The following TAF1B variants were observed in gnomAD, a reference collection of about 807,000 sequenced individuals.
The protein encoded by TAF1B is TATA box-binding protein-associated factor RNA polymerase I subunit B.
In TAF1B, 61 loss-of-function variants were observed where a neutral mutation model predicts 83.9. The ratio of observed to expected loss-of-function variants is 0.73; its 90% CI spans 0.59 to 0.90. The LOEUF is 0.90. Among genes scored for constraint, TAF1B ranks in the 40% least tolerant of loss-of-function variants. The pLI is 0.00. For synonymous variants in TAF1B, 221 were observed against 224.6 expected, an observed-to-expected ratio of 0.98 and a Z score of 0.14; for missense variants, 625 against 677.0, an observed-to-expected ratio of 0.92 and a Z score of 0.85.
Position 9,854,422 on chromosome 2 carries a change from G to A in TAF1B, c.399+1G>A. On this transcript the variant is annotated splice_donor_variant, in intron 5 of 14. Coordinates refer to ENST00000263663, the MANE Select transcript of TAF1B (RefSeq NM_005680.3). LOFTEE classifies it high-confidence loss of function. The stretch of plus-strand genomic sequence containing the variant: ...TTATACCACTGGAAGGAAACCTACG[G>A]TAAGTCACAAGTCTGAAAAGTTGGA... The A allele has an allele frequency of 1.2e-6, 2 of 1,610,782 alleles. No homozygotes were observed. The highest frequency in any genetic ancestry group is 1.7e-6 in the Non-Finnish European group (2 of 1,177,098).
chr2:9,922,283 A>G (rs1477451623), intron 14 of TAF1B, among the ~76,000 whole-genome samples: 1 of 152,120 alleles, frequency 6.6e-6, no homozygotes, highest in Non-Finnish European at 1.5e-5. Context: ...GAAGACCCAA[A>G]AAACATTGTG....
chr2:9,906,648 A>G (rs765743405), intron 9 of TAF1B, among the ~76,000 whole-genome samples: 3 of 152,232 alleles, frequency 2.0e-5, no homozygotes, highest in Non-Finnish European at 4.4e-5. Context: ...TGTTTATGTT[A>G]TAATAAAAAG....
chr2:9,873,095 C>T (rs376686956), intron 6 of TAF1B, among the ~76,000 whole-genome samples: 49 of 152,288 alleles, frequency 3.2e-4, no homozygotes, highest in Middle Eastern at 3.4e-3. Context: ...GCTTTCAAAT[C>T]ATTTCACTGG....
intron 5 of TAF1B, among the ~76,000 whole-genome samples, chr2:9,856,940 G>A (rs1239417715): frequency 2.6e-5 from 4 of 152,156 alleles, no homozygotes; most frequent in Non-Finnish European, 5.9e-5. Flanking sequence ...TTTCCTTAGT[G>A]CTTTGGAGAT....
intron 2 of TAF1B, among the ~76,000 whole-genome samples, chr2:9,848,860 C>G (rs2125134004): frequency 6.6e-6 from 1 of 152,158 alleles, no homozygotes; most frequent in Middle Eastern, 3.4e-3. Flanking sequence ...TTTAGTCATT[C>G]TAAAGTTCTC....
chr2:9,879,671 CAG>C (rs1169490114), intron 7 of TAF1B, among the ~76,000 whole-genome samples: 2 of 152,080 alleles, frequency 1.3e-5, no homozygotes, highest in Admixed American at 1.3e-4. Context: ...TGACTGGAGT[CAG>C]AGAATTCTAG....
intron 14 of TAF1B, among the ~76,000 whole-genome samples, chr2:9,926,049 C>T (rs1359321578): frequency 6.6e-6 from 1 of 151,332 alleles, no homozygotes. Context: ...GTATAAAGAA[C>T]CCCCCGTCTC....
intron 12 of TAF1B, among the ~76,000 whole-genome samples, chr2:9,916,227 T>A (rs570302496): frequency 5.3e-4 from 81 of 152,322 alleles, no homozygotes; most frequent in African/African-American, 1.9e-3. Context: ...CCTTAATTTT[T>A]AAAAATGAGG....
chr2:9,869,632 A>G lies in TAF1B; in HGVS notation c.553+1203A>G, dbSNP rs1013740008. 1.2e-4 allele frequency among the ~76,000 whole-genome samples: 18 copies of G among 151,464 alleles called. No individual in the cohort carries two copies. The East Asian group carries it at 2.4e-3, about 20-fold the overall frequency. On this transcript the variant is annotated intron_variant, in intron 6 of 14. Coordinates refer to ENST00000263663, the MANE Select transcript of TAF1B (RefSeq NM_005680.3). ...GGCTCACACCTGTAATCTCAGGACTATGGGAGGCTGAGGCGAGCAGATCAC... is the reference window on the plus strand; with the variant it reads ...GGCTCACACCTGTAATCTCAGGACTGTGGGAGGCTGAGGCGAGCAGATCAC...
chr2:9,931,693 T>A (rs367672846), intron 14 of TAF1B, among the ~76,000 whole-genome samples: 6 of 152,336 alleles, frequency 3.9e-5, no homozygotes, highest in Admixed American at 3.3e-4. Context: ...TCTCTGTATT[T>A]CCTGAAGTTG....
chr2:9,859,830 G>C (rs1663693705), intron 5 of TAF1B, among the ~76,000 whole-genome samples: 1 of 152,210 alleles, frequency 6.6e-6, no homozygotes, highest in East Asian at 1.9e-4. Context: ...ACATTTTCCA[G>C]TATCTTTATG....
chr2:9,880,426 C>CCTTT (rs779169380), intron 7 of TAF1B, among the ~76,000 whole-genome samples: 4 of 75,008 alleles, frequency 5.3e-5, no homozygotes, highest in Admixed American at 3.5e-4. Context: ...GAGTAAGCAG[C>CCTTT]TTTTTTTTTT....
chr2:9,876,025 T>TAGAC lies in TAF1B; in HGVS notation c.707+8_707+11dup, dbSNP rs1285788962. On this transcript the variant is annotated splice_region_variant and intron_variant, in intron 7 of 14. Coordinates refer to ENST00000263663, the MANE Select transcript of TAF1B (RefSeq NM_005680.3). ...CACTTTCAGATCTTTTGAGGTTAGC[T>TAGAC]AGACCTCTTGTATGATAATATTTTT... is the stretch of plus-strand genomic sequence containing the variant. 14 of 1,598,316 alleles carry TAGAC rather than the reference T, an allele frequency of 8.8e-6. No homozygotes were observed. Among genetic ancestry groups the TAGAC allele is most frequent in the Non-Finnish European group, 1.2e-5 (14 of 1,167,998 alleles).
intron 5 of TAF1B, among the ~76,000 whole-genome samples, chr2:9,863,941 C>T (rs1199018267): frequency 9.5e-4 from 145 of 152,148 alleles, no homozygotes; most frequent in Non-Finnish European, 6.3e-4. Flanking sequence ...GGGACACATT[C>T]GAAGCAGTGT....
At chr2:9,867,362 T>C (rs1664018629) in intron 5 of TAF1B, among the ~76,000 whole-genome samples, 1 of 152,244 alleles carries the variant, frequency 6.6e-6, no homozygotes, top group African/African-American at 2.4e-5. Context: ...AAGTTTTCTC[T>C]GTGTTCATGC....
chr2:9,922,805 T>TTGAA (rs1665915968), intron 14 of TAF1B, among the ~76,000 whole-genome samples: 1 of 152,194 alleles, frequency 6.6e-6, no homozygotes, highest in Admixed American at 6.5e-5. Context: ...CAAGTATTTA[T>TTGAA]TGAATGAATG....
rs56125595 is a variant in TAF1B at position 9,888,790 on chromosome 2, GTTTTTTTTTTTTTTT to G, written c.807+6001_807+6015del. 4.8e-4 allele frequency among the ~76,000 whole-genome samples: 39 copies of G among 81,668 alleles called. 1 individual carries two copies. The highest frequency in any genetic ancestry group is 2.9e-3 in the African/African-American group (37 of 12,886). The allele number at this position is 81,668 out of a possible 152,430, so 53.6% of individuals were successfully genotyped here. Reference sequence around the variant, plus strand: ...GTTTTCTTTATGTTTCTTCTGCTTGGTTTTTTTTTTTTTTTTTTTTTTTTTTTTTTAAGACAAATT... The same window carrying G: ...GTTTTCTTTATGTTTCTTCTGCTTGGTTTTTTTTTTTTTTTAAGACAAATT... On this transcript the variant is annotated intron_variant, in intron 8 of 14. Coordinates refer to ENST00000263663, the MANE Select transcript of TAF1B (RefSeq NM_005680.3).
chr2:9,893,116 T>C (rs1184727066), intron 8 of TAF1B, among the ~76,000 whole-genome samples: 1 of 152,242 alleles, frequency 6.6e-6, no homozygotes, highest in Non-Finnish European at 1.5e-5. Context: ...GGAATAATTT[T>C]AGATTTATAG....
At chr2:9,902,559 T>C (rs1159131469) in intron 8 of TAF1B, among the ~76,000 whole-genome samples, 2 of 152,226 alleles carry the variant, frequency 1.3e-5, no homozygotes, top group Non-Finnish European at 2.9e-5. Flanking sequence ...GATTGATTCA[T>C]TGTTACATGT....
Sources: gnomAD v4.1 joint callset for allele counts (sites outside exome capture counted in the v4.1 genomes callset) on GRCh38, gnomAD v4.1.1 for gene constraint, MANE v1.5 for transcripts, NCBI Gene and HGNC (gene_info 2026-07-23, HGNC 2026-07-21) for gene names.